Variants in COBL observed in about 807,000 individuals in gnomAD.
COBL encodes cordon-bleu WH2 repeat protein, also known as protein cordon-bleu.
COBL carries 51 observed loss-of-function variants against 98.8 expected under a neutral mutation model. That is an observed-to-expected ratio of 0.52 (90% confidence interval 0.41 to 0.65). The LOEUF is 0.65. Among genes scored for constraint, COBL ranks in the 30% least tolerant of loss-of-function variants. The pLI, the probability that COBL is intolerant of heterozygous loss-of-function variation, is 0.00. For missense variants in COBL, 1,617 were observed against 1,617.5 expected (o/e 1.00, Z 0.01); for synonymous variants, 634 against 651.7 (o/e 0.97, Z 0.41).
chr7:51,209,685 T>C (rs549575444), intron 2 of COBL, among the ~76,000 whole-genome samples: 1 of 152,250 alleles, frequency 6.6e-6, no homozygotes, highest in Non-Finnish European at 1.5e-5. Context: ...CACCATGCAC[T>C]GCCCATGGTG....
chr7:51,041,478 CTTTTTTTTT>C (rs773830122), intron 8 of COBL, among the ~76,000 whole-genome samples: 7 of 80,024 alleles, frequency 8.7e-5, no homozygotes, highest in Non-Finnish European at 1.3e-4. Flanking sequence ...TATTTCTTTC[CTTTTTTTTT>C]TTTTTTTTTT....
At chr7:51,172,055 G>GT (rs1438780471) in intron 5 of COBL, among the ~76,000 whole-genome samples, 1 of 152,224 alleles carries the variant, frequency 6.6e-6, no homozygotes, top group Non-Finnish European at 1.5e-5. Flanking sequence ...GGCACAGGTA[G>GT]TTTTCAGAAA....
chr7:51,248,983 T>G (rs142854635), intron 1 of COBL, among the ~76,000 whole-genome samples: 1 of 152,368 alleles, frequency 6.6e-6, no homozygotes, highest in East Asian at 1.9e-4. Context: ...GAAAAGATAC[T>G]GAGATAAACC....
At chr7:51,125,269 G>A (rs145123328) in intron 6 of COBL, among the ~76,000 whole-genome samples, 1 of 152,250 alleles carries the variant, frequency 6.6e-6, no homozygotes, top group Non-Finnish European at 1.5e-5. Flanking sequence ...GGGACACCTG[G>A]GATGCACAGG....
intron 12 of COBL, among the ~76,000 whole-genome samples, chr7:51,024,675 GAATGAATGA>G (rs1787332321): frequency 2.0e-5 from 3 of 151,872 alleles, no homozygotes; most frequent in African/African-American, 7.2e-5. Flanking sequence ...ATGAATGAAT[GAATGAATGA>G]ATGAATGAAT....
At chr7:51,295,721 C>T (rs1174243214) in intron 1 of COBL, among the ~76,000 whole-genome samples, 1 of 152,182 alleles carries the variant, frequency 6.6e-6, no homozygotes, top group Non-Finnish European at 1.5e-5. Context: ...CCAACAACTG[C>T]CATCAAAGCC....
intron 2 of COBL, among the ~76,000 whole-genome samples, chr7:51,196,818 A>G (rs933471804): frequency 2.0e-5 from 3 of 151,830 alleles, no homozygotes; most frequent in Admixed American, 6.6e-5. Context: ...TGTGCATAGA[A>G]GTGTTCATAA....
At chr7:51,313,761 T>C (rs1803284020) in intron 1 of COBL, among the ~76,000 whole-genome samples, 1 of 152,266 alleles carries the variant, frequency 6.6e-6, no homozygotes, top group Non-Finnish European at 1.5e-5. Flanking sequence ...GGATGGCTCC[T>C]ATAAATATTC....
At chr7:51,050,499 C>T (rs143604549) in intron 7 of COBL, among the ~76,000 whole-genome samples, 125 of 152,354 alleles carry the variant, frequency 8.2e-4, no homozygotes, top group African/African-American at 2.8e-3. Context: ...CTGGGTGAGA[C>T]TATCTGCCCC....
intron 5 of COBL, among the ~76,000 whole-genome samples, chr7:51,153,119 A>G (rs1785734264): frequency 6.6e-6 from 1 of 152,216 alleles, no homozygotes; most frequent in Non-Finnish European, 1.5e-5. Context: ...CCCAGCTGCC[A>G]TGGGGGATTG....
intron 1 of COBL, among the ~76,000 whole-genome samples, chr7:51,230,289 G>A (rs567476002): frequency 7.0e-4 from 106 of 152,186 alleles, no homozygotes; most frequent in East Asian, 1.5e-3. Context: ...AGAGCTCTCC[G>A]GGGCACCACT....
At chr7:51,112,854 G>C (rs1017339681) in intron 6 of COBL, among the ~76,000 whole-genome samples, 9 of 152,154 alleles carry the variant, frequency 5.9e-5, no homozygotes, top group African/African-American at 1.9e-4. Context: ...TTGTGCTCTT[G>C]ATGCCAACAG....
chr7:51,120,079 A>G (rs1451866029), intron 6 of COBL, among the ~76,000 whole-genome samples: 1 of 152,218 alleles, frequency 6.6e-6, no homozygotes, highest in Non-Finnish European at 1.5e-5. Context: ...CTGTTTGGCA[A>G]TCTTAATATA....
Position 51,028,894 on chromosome 7 carries a change from G to GTCAATC in COBL, c.2196_2201dup (p.Ile733_Asp734insGluIle). ...GAGGACTCACCAAGTTCCCCAGCTCGTCAATCTTAATGGCTCCGGTGGAGA... is the reference window on the plus strand; with the variant it reads ...GAGGACTCACCAAGTTCCCCAGCTCGTCAATCTCAATCTTAATGGCTCCGGTGGAGA... On this transcript the variant is annotated inframe_insertion, in exon 10 of 13. Coordinates refer to ENST00000265136, the MANE Select transcript of COBL (RefSeq NM_015198.5). 1 of 1,614,190 alleles carries GTCAATC rather than the reference G, an allele frequency of 6.2e-7. No individual in the cohort carries two copies. The highest frequency in any genetic ancestry group is 8.5e-7 in the Non-Finnish European group (1 of 1,180,032).
chr7:51,238,311 A>G (rs1795463705), intron 1 of COBL, among the ~76,000 whole-genome samples: 1 of 152,092 alleles, frequency 6.6e-6, no homozygotes, highest in Non-Finnish European at 1.5e-5. Context: ...TGGCTAGGCC[A>G]CTCCGGGGTC....
intron 6 of COBL, among the ~76,000 whole-genome samples, chr7:51,129,609 G>A (rs1439946295): frequency 6.6e-6 from 1 of 152,136 alleles, no homozygotes; most frequent in Admixed American, 6.5e-5. Flanking sequence ...GGCTTCCTGA[G>A]CTTAGTCTGG....
intron 5 of COBL, among the ~76,000 whole-genome samples, chr7:51,182,814 T>G (rs1789116780): frequency 6.6e-6 from 1 of 152,104 alleles, no homozygotes; most frequent in Non-Finnish European, 1.5e-5. Context: ...GCTCAATCTC[T>G]TAAGTACAAG....
chr7:51,232,934 C>T (rs553725726), intron 1 of COBL, among the ~76,000 whole-genome samples: 1 of 152,278 alleles, frequency 6.6e-6, no homozygotes, highest in South Asian at 2.1e-4. Flanking sequence ...GTACCAGAGA[C>T]GCTGTGTGTT....
Position 51,028,381 on chromosome 7 carries a change from T to G in COBL, c.2715A>C (p.Ala905=). ...TGTCATCTTTCACAGTGACAGGTGG[T>G]GCAGCCAGCACTGGCGCCTTGCCTG... ...GYAGKAPVLA[A]PPVTVKDDRT... The change falls in exon 10 of 13, where the codon GCA becomes GCC. Residue 905 remains alanine (A), a synonymous_variant. Coordinates refer to ENST00000265136, the MANE Select transcript of COBL (RefSeq NM_015198.5). 1 of 1,614,266 alleles carries G rather than the reference T, an allele frequency of 6.2e-7. No homozygotes were observed. Among genetic ancestry groups the G allele is most frequent in the Non-Finnish European group, 8.5e-7 (1 of 1,180,050 alleles).
Sources: allele counts gnomAD v4.1 joint callset (sites outside exome capture counted in the v4.1 genomes callset), GRCh38; gene constraint gnomAD v4.1.1; transcripts MANE v1.5; gene names NCBI Gene and HGNC (gene_info 2026-07-23, HGNC 2026-07-21).